Variants in DCAF1 observed in about 807,000 individuals in gnomAD.
The protein encoded by DCAF1 is DDB1 and CUL4 associated factor 1.
A neutral mutation model predicts 128.0 loss-of-function variants in DCAF1; 15 were observed. The ratio of observed to expected loss-of-function variants is 0.12; its 90% CI spans 0.08 to 0.18. The LOEUF is 0.18. Ranked by LOEUF, DCAF1 falls within the 10% of genes least tolerant of loss-of-function variation. The pLI is 1.00. For synonymous variants in DCAF1, 610 were observed against 603.0 expected, an observed-to-expected ratio of 1.01 and a Z score of -0.17; for missense variants, 988 against 1,649.5, an observed-to-expected ratio of 0.60 and a Z score of 6.95.
At chr3:51,463,301 C>A in intron 5 of DCAF1, 74 bp from the exon 6 acceptor site, 1 of 815,862 alleles carries the variant, frequency 1.2e-6, no homozygotes, top group East Asian at 3.0e-5. Flanking sequence ...AATAAAACCT[C>A]AACATATTCC....
intron 6 of DCAF1, among the ~76,000 whole-genome samples, chr3:51,457,343 C>T (rs928282396): frequency 6.6e-6 from 1 of 151,872 alleles, no homozygotes; most frequent in African/African-American, 2.4e-5. Flanking sequence ...TGAAATGAAG[C>T]GAGAAGAGAA....
At chr3:51,437,886 A>T (rs1700999969) in intron 9 of DCAF1, among the ~76,000 whole-genome samples, 1 of 143,378 alleles carries the variant, frequency 7.0e-6, no homozygotes, top group Non-Finnish European at 1.6e-5. Context: ...TACGCCAGAA[A>T]AAAAAGAAAA....
chr3:51,412,086 G>T (rs1280845856), intron 23 of DCAF1, among the ~76,000 whole-genome samples: 1 of 137,064 alleles, frequency 7.3e-6, no homozygotes, highest in Non-Finnish European at 1.5e-5. Context: ...TCCAGCCTCG[G>T]CGACAAGAGC....
chr3:51,483,864 A>G, intron 2 of DCAF1, 28 bp from the exon 3 acceptor site: 1 of 1,481,290 alleles, frequency 6.8e-7, no homozygotes, highest in Non-Finnish European at 9.4e-7. Flanking sequence ...AAAATAAAAA[A>G]GACAACCAAT....
chr3:51,402,501 G>GTAAATGT (rs2089782879), intron 24 of DCAF1, among the ~76,000 whole-genome samples: 6 of 149,668 alleles, frequency 4.0e-5, no homozygotes, highest in Non-Finnish European at 8.9e-5. Context: ...GATTGTCTAT[G>GTAAATGT]ACTGCTTTCT....
At chr3:51,485,106 G>C (rs1330762329) in intron 2 of DCAF1, among the ~76,000 whole-genome samples, 2 of 151,936 alleles carry the variant, frequency 1.3e-5, no homozygotes, top group Non-Finnish European at 2.9e-5. Context: ...GTAGAAACAG[G>C]GTTTCACCAT....
chr3:51,491,166 G>C (rs1041839751), intron 2 of DCAF1, among the ~76,000 whole-genome samples: 1 of 151,634 alleles, frequency 6.6e-6, no homozygotes, highest in Non-Finnish European at 1.5e-5. Context: ...TGGCCAATAT[G>C]GTGAAACCCC....
Position 51,420,445 on chromosome 3 carries a change from C to T in DCAF1, c.2525G>A (p.Arg842Lys). Residue 842 changes from arginine to lysine, a missense_variant, in exon 15 of 25, where the codon AGG becomes AAG. Around this residue, in one of 11 missense-constraint regions of DCAF1, gnomAD observed 76 missense variants for 186.9 expected, o/e 0.41. Coordinates refer to ENST00000684031, the MANE Select transcript of DCAF1 (RefSeq NM_001387579.1). The surrounding 1 kb of genome is among the most constrained non-coding windows in gnomAD (Gnocchi z 6.5). ...LQKADVVAQSRISFPEKELLL... is the reference protein window; with the variant it reads ...LQKADVVAQSKISFPEKELLL... ...CAGCTCTTTCTCAGGGAAGGAGATC[C>T]TTGACTGGGCAACAACATCTGCTTT... is the stretch of plus-strand genomic sequence containing the variant. 6.2e-7 allele frequency: 1 copy of T among 1,614,030 alleles called. No homozygotes were observed. Among genetic ancestry groups the T allele is most frequent in the East Asian group, 2.2e-5 (1 of 44,890 alleles).
chr3:51,419,540 G>A (rs1319827283), intron 15 of DCAF1, among the ~76,000 whole-genome samples, 194 bp downstream of exon 15: 10 of 152,124 alleles, frequency 6.6e-5, no homozygotes, highest in Non-Finnish European at 7.4e-5. Context: ...GAACACAAAC[G>A]ATTATATCAA....
At chr3:51,499,790 G>GCCCACTCTGCCGCCCGGCC (rs1708661749) in intron 1 of DCAF1, 83 bp downstream of exon 1, 1 of 147,444 alleles carries the variant, frequency 6.8e-6, no homozygotes, top group Non-Finnish European at 1.5e-5. Context: ...CAAGCCCGGC[G>GCCCACTCTGCCGCCCGGCC]CCCACTCTGC....
At chr3:51,500,135 A>ATCG (rs1553663680), upstream of DCAF1, 4 of 147,692 alleles carry the variant, frequency 2.7e-5, no homozygotes, top group Non-Finnish European at 4.5e-5. Flanking sequence ...AAAAAAAAAA[A>ATCG]AAAAAAAAAA....
chr3:51,425,780 T>C (rs1161304237), intron 13 of DCAF1, among the ~76,000 whole-genome samples: 2 of 151,902 alleles, frequency 1.3e-5, no homozygotes, highest in Non-Finnish European at 2.9e-5. Flanking sequence ...CCCAGGCTGG[T>C]CTCGAACTCC....
chr3:51,479,099 T>C (rs73834253), intron 3 of DCAF1, among the ~76,000 whole-genome samples: 11,210 of 152,234 alleles, frequency 0.074, 971 homozygotes, highest in East Asian at 0.33. Flanking sequence ...GCCTTTACTT[T>C]TCACTTTTTC....
chr3:51,494,808 T>C (rs1002419371), intron 2 of DCAF1, among the ~76,000 whole-genome samples: 3 of 152,136 alleles, frequency 2.0e-5, no homozygotes, highest in Non-Finnish European at 4.4e-5. Flanking sequence ...TCCTCTCCAC[T>C]TGGCCTTCCA....
chr3:51,504,640 G>A (rs1353548562), upstream of DCAF1, among the ~76,000 whole-genome samples: 2 of 152,172 alleles, frequency 1.3e-5, no homozygotes, highest in Non-Finnish European at 2.9e-5. Flanking sequence ...GAACCACCAT[G>A]CTTTGGCCAC....
intron 2 of DCAF1, among the ~76,000 whole-genome samples, chr3:51,488,842 G>A (rs1184002645): frequency 6.6e-6 from 1 of 152,136 alleles, no homozygotes; most frequent in Non-Finnish European, 1.5e-5. Flanking sequence ...GTGTGCGCCT[G>A]TAATCCCAGC....
intron 2 of DCAF1, among the ~76,000 whole-genome samples, chr3:51,485,183 G>A (rs1227562348): frequency 6.6e-6 from 1 of 152,114 alleles, no homozygotes; most frequent in Non-Finnish European, 1.5e-5. Context: ...CCAAAGTGCT[G>A]GGATTACAGG....
At chr3:51,487,002 T>C (rs1421625478) in intron 2 of DCAF1, among the ~76,000 whole-genome samples, 1 of 141,870 alleles carries the variant, frequency 7.0e-6, no homozygotes, top group Non-Finnish European at 1.5e-5. Flanking sequence ...AGAGTCACAC[T>C]CTGTCGCCAG....
chr3:51,404,770 C>T (rs2089986454), intron 23 of DCAF1, among the ~76,000 whole-genome samples: 1 of 152,222 alleles, frequency 6.6e-6, no homozygotes, highest in East Asian at 1.9e-4. Flanking sequence ...TGTGCCAACA[C>T]ACACACACAT....
Sources: gnomAD v4.1 joint callset for allele counts (sites outside exome capture counted in the v4.1 genomes callset) on GRCh38, gnomAD v4.1.1 for gene constraint, gnomAD v4.1.1 regional missense constraint, Gnocchi (gnomAD v3.1) non-coding constraint, MANE v1.5 for transcripts, NCBI Gene and HGNC (gene_info 2026-07-23, HGNC 2026-07-21) for gene names.